Variants in MTUS2 observed in about 807,000 individuals in gnomAD.
MTUS2 encodes the protein microtubule-associated tumor suppressor candidate 2.
A neutral mutation model predicts 114.1 loss-of-function variants in MTUS2; 40 were observed. The observed-to-expected ratio is 0.35, with a 90% CI of 0.27 to 0.46. The LOEUF (loss-of-function observed/expected upper bound fraction) is 0.46, where lower values mean the gene tolerates loss of function less well. Ranked by LOEUF, MTUS2 falls within the 20% of genes least tolerant of loss-of-function variation. MTUS2 has a pLI of 1.00. For synonymous variants in MTUS2, 688 were observed against 672.0 expected, an observed-to-expected ratio of 1.02 and a Z score of -0.37; for missense variants, 1,679 against 1,705.4, an observed-to-expected ratio of 0.98 and a Z score of 0.27.
intron 2 of MTUS2, among the ~76,000 whole-genome samples, chr13:28,979,935 A>C (rs1434205000): frequency 1.3e-5 from 2 of 152,190 alleles, no homozygotes; most frequent in East Asian, 3.8e-4. Flanking sequence ...GTGCTCCCTT[A>C]AAAGAAGTAA....
rs182090279 is a variant in MTUS2 at position 29,268,696 on chromosome 13, C to T, written c.2645-13008C>T. On this transcript the variant is annotated intron_variant, in intron 5 of 15. Transcript: ENST00000612955. ...TTTCATGGCATTTTGCACTGTATAG[C>T]ATACTGTGGAATTCTATTCCGTAAT... 2.1e-4 allele frequency among the ~76,000 whole-genome samples: 32 copies of T among 152,220 alleles called. No individual in the cohort carries two copies. The East Asian group carries it at 5.4e-3, about 26-fold the overall frequency.
intron 2 of MTUS2, among the ~76,000 whole-genome samples, chr13:28,952,059 T>G (rs1050240581): frequency 2.0e-5 from 3 of 152,168 alleles, no homozygotes; most frequent in African/African-American, 7.2e-5. Context: ...TGAAAAAAAA[T>G]TCATGATGCA....
chr13:29,192,110 G>T (rs1450763011), intron 5 of MTUS2, among the ~76,000 whole-genome samples: 1 of 152,154 alleles, frequency 6.6e-6, no homozygotes, highest in Non-Finnish European at 1.5e-5. Flanking sequence ...CTTATTGAGT[G>T]GTAAATCATT....
intron 2 of MTUS2, among the ~76,000 whole-genome samples, chr13:28,908,115 T>G (rs1593290697): frequency 6.6e-6 from 1 of 151,620 alleles, no homozygotes; most frequent in African/African-American, 2.4e-5. Flanking sequence ...TCACCAAATT[T>G]GGGATATTTT....
rs1420688501 is a variant in MTUS2, at chr13:29,011,857, C to T, written c.-242-12600C>T. Among the ~76,000 whole-genome samples, 2 of 152,188 alleles carry T rather than the reference C, an allele frequency of 1.3e-5. 1 individual carries two copies. The highest frequency in any genetic ancestry group is 2.9e-5 in the Non-Finnish European group (2 of 68,042). On this transcript the variant is annotated intron_variant, in intron 2 of 15. Coordinates refer to ENST00000612955, the MANE Select transcript of MTUS2 (RefSeq NM_001033602.4). ...GCTTTCTGGTTGCATCATGGTGTCACATATTCAGCTTCATCCTTCTAGGGA... is the reference window on the plus strand; with the variant it reads ...GCTTTCTGGTTGCATCATGGTGTCATATATTCAGCTTCATCCTTCTAGGGA...
intron 2 of MTUS2, among the ~76,000 whole-genome samples, chr13:28,852,227 T>C (rs1163852543): frequency 1.3e-5 from 2 of 152,172 alleles, no homozygotes; most frequent in African/African-American, 4.8e-5. Context: ...CCCTGCCCTC[T>C]TTATTCTGAC....
chr13:29,389,537 G>GTGTGTGTA (rs1566173462), intron 8 of MTUS2, among the ~76,000 whole-genome samples: 104 of 6,474 alleles, frequency 0.016, 7 homozygotes, highest in South Asian at 0.11. Flanking sequence ...ATGTATACAC[G>GTGTGTGTA]TGTGTATATG....
At chr13:28,880,568 A>G (rs1432515671) in intron 2 of MTUS2, among the ~76,000 whole-genome samples, 1 of 152,260 alleles carries the variant, frequency 6.6e-6, no homozygotes, top group African/African-American at 2.4e-5. Context: ...ATGTACTTAG[A>G]AAAAACAAGT....
At chr13:29,440,154 C>T (rs2138681576) in intron 9 of MTUS2, 105 bp downstream of exon 9, 1 of 1,095,084 alleles carries the variant, frequency 9.1e-7, no homozygotes, top group Non-Finnish European at 1.3e-6. Context: ...CAGTGCAAAC[C>T]TGCCTAGATG....
intron 5 of MTUS2, among the ~76,000 whole-genome samples, chr13:29,223,838 T>C (rs1593187782): frequency 6.6e-6 from 1 of 152,252 alleles, no homozygotes; most frequent in Non-Finnish European, 1.5e-5. Flanking sequence ...TTTGGAGTTC[T>C]GCAGTTCCTT....
chr13:29,270,398 A>T (rs1444671305), intron 5 of MTUS2, among the ~76,000 whole-genome samples: 1 of 152,116 alleles, frequency 6.6e-6, no homozygotes, highest in Non-Finnish European at 1.5e-5. Context: ...CTGTCACAAA[A>T]CATGAGCAAG....
At chr13:28,857,862 AT>A in intron 2 of MTUS2, among the ~76,000 whole-genome samples, 1 of 152,272 alleles carries the variant, frequency 6.6e-6, no homozygotes, top group Admixed American at 6.5e-5. Flanking sequence ...CTACCTTTCC[AT>A]TCTTTCCAGA....
At chr13:29,146,985 C>T (rs1350426865) in intron 5 of MTUS2, among the ~76,000 whole-genome samples, 1 of 152,150 alleles carries the variant, frequency 6.6e-6, no homozygotes, top group Non-Finnish European at 1.5e-5. Flanking sequence ...AATGAGATAT[C>T]ACACTAAGGA....
intron 2 of MTUS2, among the ~76,000 whole-genome samples, chr13:29,014,105 G>C (rs956650660): frequency 2.4e-4 from 37 of 152,136 alleles, no homozygotes; most frequent in African/African-American, 8.4e-4. Context: ...GAGCCGTTGT[G>C]TTGCTTTTCT....
intron 4 of MTUS2, among the ~76,000 whole-genome samples, chr13:29,082,335 A>G (rs1247862175): frequency 3.3e-5 from 5 of 152,314 alleles, no homozygotes; most frequent in Middle Eastern, 3.4e-3. Context: ...GCTGACTAAG[A>G]TAGGTCCCAT....
intron 5 of MTUS2, among the ~76,000 whole-genome samples, chr13:29,165,164 G>T (rs146422200): frequency 1.3e-5 from 2 of 152,228 alleles, no homozygotes; most frequent in African/African-American, 4.8e-5. Context: ...AAATGGCCCT[G>T]ACCAGTTTTC....
chr13:28,828,198 T>G (rs529007232), intron 1 of MTUS2, among the ~76,000 whole-genome samples: 1 of 152,340 alleles, frequency 6.6e-6, no homozygotes, highest in African/African-American at 2.4e-5. Context: ...TTCTCCTATT[T>G]GCTCTTGAAA....
rs552067874 is a variant in MTUS2, at chr13:29,015,863, T to C, written c.-242-8594T>C. Among the ~76,000 whole-genome samples the C allele has an allele frequency of 2.6e-5, 4 of 152,210 alleles. No homozygotes were observed. The East Asian group carries it at 7.7e-4, about 29-fold the overall frequency. On this transcript the variant is annotated intron_variant, in intron 2 of 15. Transcript: ENST00000612955. Reference sequence around the variant, plus strand: ...TATAAAAACAAAAAAACAAAAATACTATATTTTTACTTTTTCTTTTTTTTA... The same window carrying C: ...TATAAAAACAAAAAAACAAAAATACCATATTTTTACTTTTTCTTTTTTTTA...
intron 8 of MTUS2, among the ~76,000 whole-genome samples, chr13:29,366,589 C>T (rs2388088): frequency 0.024 from 3,644 of 152,240 alleles, 140 homozygotes; most frequent in African/African-American, 0.082. Context: ...CCTATTGATC[C>T]CTGCGGCCCA....
Sources: allele counts gnomAD v4.1 joint callset (sites outside exome capture counted in the v4.1 genomes callset), GRCh38; gene constraint gnomAD v4.1.1; transcripts MANE v1.5; gene names NCBI Gene and HGNC (gene_info 2026-07-23, HGNC 2026-07-21).